The following ACOT12 variants were observed in gnomAD, a reference collection of about 807,000 sequenced individuals.
The protein encoded by ACOT12 is acetyl-coenzyme A thioesterase.
In ACOT12, 51 loss-of-function variants were observed where a neutral mutation model predicts 67.7. That is an observed-to-expected ratio of 0.75 (90% CI 0.60 to 0.95). The LOEUF is 0.95. Ranked by LOEUF, ACOT12 falls within the 40% of genes least tolerant of loss-of-function variation. The pLI is 0.00. For synonymous variants in ACOT12, 251 were observed against 244.6 expected (o/e 1.03, Z -0.24); for missense variants, 734 against 708.1 (o/e 1.04, Z -0.41).
At chr5:81,353,913 C>G (rs1759629417) in intron 5 of ACOT12, among the ~76,000 whole-genome samples, 1 of 152,136 alleles carries the variant, frequency 6.6e-6, no homozygotes, top group South Asian at 2.1e-4. Flanking sequence ...TGGTTCTCTT[C>G]TTTTAGAACA....
At chr5:81,317,771 AAC>A in the ACOT12 span, among the ~76,000 whole-genome samples, 4 of 152,188 alleles carry the variant, frequency 2.6e-5, no homozygotes, top group South Asian at 2.1e-4. Context: ...CCCCTCCTTC[AAC>A]ACTGGGAATC....
At chr5:81,342,585 G>T in intron 11 of ACOT12, 87 bp downstream of exon 11, 2 of 1,307,564 alleles carry the variant, frequency 1.5e-6, no homozygotes, top group Non-Finnish European at 2.2e-6. Context: ...CTTCTTAAAA[G>T]CCTCAGTAGA....
chr5:81,333,401 A>G (rs1252038439), intron 12 of ACOT12, among the ~76,000 whole-genome samples: 1 of 152,202 alleles, frequency 6.6e-6, no homozygotes, highest in African/African-American at 2.4e-5. Context: ...AAGTTGCGTT[A>G]GGCAAGTCAT....
intron 3 of ACOT12, 72 bp from the exon 4 acceptor site, chr5:81,363,961 T>A: frequency 1.1e-6 from 1 of 935,024 alleles, no homozygotes; most frequent in Non-Finnish European, 1.5e-6. Context: ...TTTAGTCATA[T>A]GTATGCACCA....
downstream of ACOT12, among the ~76,000 whole-genome samples, chr5:81,326,738 A>C (rs746405353): frequency 1.3e-5 from 2 of 152,262 alleles, no homozygotes; most frequent in Non-Finnish European, 2.9e-5. Flanking sequence ...GAGCAGTTAC[A>C]CTGAATCATG....
At chr5:81,369,762 T>C (rs1561344247) in intron 3 of ACOT12, among the ~76,000 whole-genome samples, 1 of 152,122 alleles carries the variant, frequency 6.6e-6, no homozygotes, top group Non-Finnish European at 1.5e-5. Flanking sequence ...AAAGGAGAAA[T>C]GTAAAGGAGG....
At chr5:81,318,397 A>G in the ACOT12 span, among the ~76,000 whole-genome samples, 1 of 152,162 alleles carries the variant, frequency 6.6e-6, no homozygotes, top group African/African-American at 2.4e-5. Context: ...AATGATCCTT[A>G]TGTATATCCT....
Position 81,359,959 on chromosome 5 carries a change from C to T in ACOT12, c.440G>A (p.Arg147Gln), listed in dbSNP as rs769986706. 15 of 1,612,420 alleles carry T rather than the reference C, an allele frequency of 9.3e-6. No homozygotes were observed. The highest frequency in any genetic ancestry group is 2.2e-5 in the East Asian group (1 of 44,754). ...HNLAAERRKV[R>Q]LQHEDTFNNL... The stretch of plus-strand genomic sequence containing the variant: ...GTTAAAGGTATCTTCATGTTGTAAT[C>T]GAACTTTCCTTCTCTCAGCAGCCAG... Residue 147 changes from arginine to glutamine, a missense_variant, in exon 5 of 15, where the codon CGA becomes CAA. By Grantham distance (43) the Arg-to-Gln change is conservative. Transcript: ENST00000307624.
the ACOT12 span, among the ~76,000 whole-genome samples, chr5:81,314,000 A>C: frequency 2.0e-5 from 3 of 151,678 alleles, no homozygotes; most frequent in African/African-American, 4.8e-5. Flanking sequence ...TCAGGAGCAG[A>C]GTCTACAGCC....
intron 3 of ACOT12, among the ~76,000 whole-genome samples, chr5:81,368,298 T>A (rs1013102861): frequency 2.0e-5 from 3 of 151,560 alleles, no homozygotes; most frequent in African/African-American, 4.8e-5. Flanking sequence ...TCTCAAAAAA[T>A]AATAATAATA....
intron 11 of ACOT12, among the ~76,000 whole-genome samples, chr5:81,338,395 C>A (rs1464429819): frequency 6.6e-6 from 1 of 152,142 alleles, no homozygotes; most frequent in Non-Finnish European, 1.5e-5. Flanking sequence ...AGTGAGTTCT[C>A]ATGAGATCTG....
intron 5 of ACOT12, 97 bp from the exon 6 acceptor site, chr5:81,348,027 T>C (rs1040573748): frequency 1.5e-6 from 2 of 1,365,742 alleles, no homozygotes; most frequent in Non-Finnish European, 2.0e-6. Flanking sequence ...CTCGGATTTA[T>C]AGAAAAATTA....
chr5:81,342,799 A>G (rs761429538), intron 10 of ACOT12, 44 bp from the exon 11 acceptor site: 5 of 1,574,032 alleles, frequency 3.2e-6, no homozygotes, highest in African/African-American at 2.7e-5. Flanking sequence ...TGTTCAATAC[A>G]TGGATGTGTG....
At chr5:81,311,106 A>C in the ACOT12 span, 1 of 1,136,788 alleles carries the variant, frequency 8.8e-7, no homozygotes, top group Non-Finnish European at 1.3e-6. Context: ...CTACCTTTAC[A>C]ACTGACAGGG....
intron 4 of ACOT12, among the ~76,000 whole-genome samples, chr5:81,360,473 A>G (rs576192413): frequency 6.6e-6 from 1 of 152,382 alleles, no homozygotes; most frequent in South Asian, 2.1e-4. Context: ...AAGATGTTCT[A>G]GAGAAAGTTA....
chr5:81,323,532 T>C, the ACOT12 span, among the ~76,000 whole-genome samples: 9 of 152,238 alleles, frequency 5.9e-5, no homozygotes, highest in African/African-American at 1.9e-4. Context: ...TGATGTCTGC[T>C]AACATTCCAT....
At chr5:81,322,994 G>A in the ACOT12 span, among the ~76,000 whole-genome samples, 448 of 150,348 alleles carry the variant, frequency 3.0e-3, 2 homozygotes, top group African/African-American at 1.0e-2. Flanking sequence ...TGGGGACACA[G>A]CAAAAGCATA....
At chr5:81,345,330 T>C (rs571527978) in intron 7 of ACOT12, among the ~76,000 whole-genome samples, 1 of 152,170 alleles carries the variant, frequency 6.6e-6, no homozygotes, top group Non-Finnish European at 1.5e-5. Flanking sequence ...AGAACATATT[T>C]TGGCAATGTG....
rs748553749 is a variant in ACOT12, at chr5:81,347,819, C to G, written c.608G>C (p.Gly203Ala). Reference protein sequence around the residue: ...HANHHGNTFGGQIMAWMETVA... With the variant: ...HANHHGNTFGAQIMAWMETVA... ...TGTCTCCATCCACGCCATAATCTGGCCACCAAATGTATTTCCGTGATGGTT... is the reference window on the plus strand; with the variant it reads ...TGTCTCCATCCACGCCATAATCTGGGCACCAAATGTATTTCCGTGATGGTT... Residue 203 changes from glycine (G) to alanine (A), a missense_variant, in exon 6 of 15, where the codon GGC becomes GCC. Coordinates refer to ENST00000307624, the MANE Select transcript of ACOT12 (RefSeq NM_130767.3). 1.2e-6 allele frequency: 2 copies of G among 1,614,066 alleles called. No homozygotes were observed. The highest frequency in any genetic ancestry group is 1.7e-6 in the Non-Finnish European group (2 of 1,180,036).
Sources: gnomAD v4.1 joint callset for allele counts (sites outside exome capture counted in the v4.1 genomes callset) on GRCh38, gnomAD v4.1.1 for gene constraint, MANE v1.5 for transcripts, NCBI Gene and HGNC (gene_info 2026-07-23, HGNC 2026-07-21) for gene names.